ANXA8: variants seen among roughly 807,000 people sequenced by gnomAD.
ANXA8 encodes the protein VAC-beta.
ANXA8 carries 9 observed loss-of-function variants against 26.8 expected under a neutral mutation model. That is an observed-to-expected ratio of 0.34 (90% CI 0.20 to 0.59). The LOEUF is 0.59. ANXA8 is among the 20% of genes least tolerant of loss of function. ANXA8 has a pLI of 0.84. For synonymous variants in ANXA8, 39 were observed against 94.8 expected, an observed-to-expected ratio of 0.41 and a Z score of 3.42; for missense variants, 83 against 238.5, an observed-to-expected ratio of 0.35 and a Z score of 4.29.
At chr10:47,952,001 C>T in the ANXA8 span, among the ~76,000 whole-genome samples, 1 of 150,230 alleles carries the variant, frequency 6.7e-6, no homozygotes, top group African/African-American at 2.5e-5. Context: ...AAGCAGAAAA[C>T]CCAGGTGATG....
the ANXA8 span, among the ~76,000 whole-genome samples, chr10:47,686,321 C>T: frequency 3.3e-5 from 5 of 149,692 alleles, no homozygotes; most frequent in East Asian, 3.9e-4. Context: ...TGGGTTCAAG[C>T]GATTCTCATG....
At chr10:47,469,964 G>C (rs1839273436) in intron 11 of ANXA8, among the ~76,000 whole-genome samples, 1 of 151,524 alleles carries the variant, frequency 6.6e-6, no homozygotes, top group Non-Finnish European at 1.5e-5. Context: ...CGGCAGCCTT[G>C]GACTCCTGGG....
the ANXA8 span, among the ~76,000 whole-genome samples, chr10:47,656,985 TTCAGAC>T: frequency 6.6e-6 from 1 of 150,412 alleles, no homozygotes; most frequent in Non-Finnish European, 1.5e-5. Context: ...ACAGCATTGT[TTCAGAC>T]TATAACTAGT....
At chr10:47,609,402 A>C in the ANXA8 span, among the ~76,000 whole-genome samples, 1 of 119,934 alleles carries the variant, frequency 8.3e-6, no homozygotes, top group East Asian at 2.5e-4. Context: ...ACAACAAAAA[A>C]GATTATTTCA....
At chr10:47,533,225 C>CACACACATACACACA in the ANXA8 span, among the ~76,000 whole-genome samples, 55 of 98,538 alleles carry the variant, frequency 5.6e-4, 1 homozygote, top group Middle Eastern at 4.7e-3. Flanking sequence ...ACACACACAC[C>CACACACATACACACA]CCCGCAGACA....
chr10:47,939,268 A>G, the ANXA8 span, among the ~76,000 whole-genome samples: 1 of 129,848 alleles, frequency 7.7e-6, no homozygotes. Flanking sequence ...ACACCATTGC[A>G]CTCCAGCCTG....
At chr10:47,743,299 T>TATATATATACACATATATATAC in the ANXA8 span, among the ~76,000 whole-genome samples, 35 of 9,416 alleles carry the variant, frequency 3.7e-3, 4 homozygotes, top group Non-Finnish European at 5.9e-3. Flanking sequence ...TATATACACA[T>TATATATATACACATATATATAC]ATATATATAT....
the ANXA8 span, among the ~76,000 whole-genome samples, chr10:47,495,680 GGAGGA>G: frequency 2.1e-5 from 3 of 144,984 alleles, no homozygotes; most frequent in South Asian, 4.4e-4. Flanking sequence ...AGGAGGAGGA[GGAGGA>G]GGAGGAAAAA....
the ANXA8 span, among the ~76,000 whole-genome samples, chr10:47,683,315 G>A: frequency 6.8e-4 from 95 of 140,516 alleles, no homozygotes; most frequent in African/African-American, 1.5e-3. Flanking sequence ...TGCAAGCTCC[G>A]CCTCCCTGGT....
the ANXA8 span, chr10:47,502,452 C>A: frequency 6.2e-7 from 1 of 1,612,532 alleles, no homozygotes; most frequent in Non-Finnish European, 8.5e-7. Flanking sequence ...TCTCTTCCCT[C>A]GTGGACTTTA....
the ANXA8 span, among the ~76,000 whole-genome samples, chr10:47,740,369 A>T: frequency 6.9e-6 from 1 of 145,460 alleles, no homozygotes; most frequent in Non-Finnish European, 1.5e-5. Context: ...AAAAAATTGC[A>T]TGAAAACGTA....
the ANXA8 span, among the ~76,000 whole-genome samples, chr10:47,733,261 T>TTCTC: frequency 1.5e-4 from 17 of 110,996 alleles, no homozygotes; most frequent in African/African-American, 2.1e-4. Flanking sequence ...CTTTCTTTCT[T>TTCTC]TCTTTCTTTC....
the ANXA8 span, among the ~76,000 whole-genome samples, chr10:47,969,221 C>T: frequency 6.6e-6 from 1 of 151,452 alleles, no homozygotes; most frequent in African/African-American, 2.4e-5. Context: ...GTCACAGTTA[C>T]ACCGACCTGA....
the ANXA8 span, among the ~76,000 whole-genome samples, chr10:47,738,474 A>G: frequency 6.4e-4 from 95 of 148,580 alleles, no homozygotes; most frequent in Non-Finnish European, 1.2e-4. Flanking sequence ...GTTAAGGCTT[A>G]CTATTTAAGA....
At chr10:47,947,936 C>T in the ANXA8 span, among the ~76,000 whole-genome samples, 3 of 150,912 alleles carry the variant, frequency 2.0e-5, no homozygotes, top group Non-Finnish European at 2.9e-5. Flanking sequence ...TTTCAGAGCT[C>T]ATGTGGGACA....
the ANXA8 span, among the ~76,000 whole-genome samples, chr10:47,508,736 A>G: frequency 1.3e-5 from 1 of 76,864 alleles, no homozygotes; most frequent in Middle Eastern, 4.9e-3. Context: ...AGCTGGGGTG[A>G]AAATCAGAAT....
the ANXA8 span, among the ~76,000 whole-genome samples, chr10:47,676,245 C>G: frequency 1.3e-5 from 2 of 151,702 alleles, no homozygotes; most frequent in Non-Finnish European, 2.9e-5. Flanking sequence ...GAGAAGAGAA[C>G]GTGGCAGAAG....
At chr10:47,526,992 GAT>G in the ANXA8 span, among the ~76,000 whole-genome samples, 1 of 47,424 alleles carries the variant, frequency 2.1e-5, no homozygotes, top group Non-Finnish European at 3.9e-5. Flanking sequence ...AGGAGGAAAA[GAT>G]AGTTTTTTAC....
the ANXA8 span, chr10:47,581,608 C>T: frequency 4.4e-6 from 2 of 454,764 alleles, no homozygotes; most frequent in Non-Finnish European, 8.5e-6. Context: ...TGATGTTCTT[C>T]ATTTCTTTTT....
Sources: allele counts gnomAD v4.1 joint callset (sites outside exome capture counted in the v4.1 genomes callset), GRCh38; gene constraint gnomAD v4.1.1; transcripts MANE v1.5; gene names NCBI Gene and HGNC (gene_info 2026-07-23, HGNC 2026-07-21).